Variants in ETS1 observed in about 807,000 individuals in gnomAD.
ETS1 encodes ETS proto-oncogene 1, transcription factor.
A neutral mutation model predicts 58.6 loss-of-function variants in ETS1; 15 were observed. That is an observed-to-expected ratio of 0.26 (90% CI 0.17 to 0.39). The LOEUF (loss-of-function observed/expected upper bound fraction) is 0.39. ETS1 is among the 10% of genes least tolerant of loss of function. The probability of loss-of-function intolerance (pLI) is 1.00; values close to 1 mark genes in which losing one functional copy is unlikely to be tolerated. For missense variants in ETS1, 417 were observed against 610.5 expected (o/e 0.68, Z 3.34); for synonymous variants, 214 against 218.2 (o/e 0.98, Z 0.17).
chr11:128,522,307 T>G (rs1863703362), intron 3 of ETS1: 4 of 1,069,602 alleles, frequency 3.7e-6, no homozygotes, highest in Non-Finnish European at 3.4e-6. Context: ...TCGCTCTCGA[T>G]CTCCCGGCCG....
At chr11:128,498,371 CT>C (rs2135476222) in intron 3 of ETS1, among the ~76,000 whole-genome samples, 1 of 152,310 alleles carries the variant, frequency 6.6e-6, no homozygotes, top group South Asian at 2.1e-4. Context: ...AAATCAGATT[CT>C]GAGATATAAA....
intron 5 of ETS1, among the ~76,000 whole-genome samples, 164 bp downstream of exon 5, chr11:128,489,126 T>A (rs938137400): frequency 2.0e-5 from 3 of 152,018 alleles, no homozygotes; most frequent in South Asian, 2.1e-4. Context: ...CATCTAAGAG[T>A]ACCTGCTGTA....
intron 2 of ETS1, among the ~76,000 whole-genome samples, chr11:128,557,204 A>C (rs1300166938): frequency 6.6e-6 from 1 of 152,176 alleles, no homozygotes; most frequent in Non-Finnish European, 1.5e-5. Flanking sequence ...TAGTTCATGC[A>C]ATTGTAAAAT....
At chr11:128,489,970 G>C (rs1035004434) in intron 4 of ETS1, among the ~76,000 whole-genome samples, 2 of 152,176 alleles carry the variant, frequency 1.3e-5, no homozygotes, top group South Asian at 2.1e-4. Context: ...GCAATTAGTA[G>C]TAGTCATTCA....
chr11:128,493,408 G>A (rs1483620926), intron 3 of ETS1, among the ~76,000 whole-genome samples: 1 of 152,206 alleles, frequency 6.6e-6, no homozygotes. Context: ...TCCCAGGAAA[G>A]CAGCTAGAAT....
At chr11:128,522,613 G>T (rs925936907) in intron 3 of ETS1, among the ~76,000 whole-genome samples, 1 of 152,232 alleles carries the variant, frequency 6.6e-6, no homozygotes, top group Non-Finnish European at 1.5e-5. Flanking sequence ...GGCGGGAAGG[G>T]CCGGGAGCGG....
At position 128,463,149 on chromosome 11, in the gene ETS1, G is replaced by A. The variant is rs1390830824; in HGVS notation, c.1242+360C>T. Among the ~76,000 whole-genome samples the A allele has an allele frequency of 6.6e-6, 1 of 152,174 alleles. No homozygotes were observed. Among genetic ancestry groups the A allele is most frequent in the East Asian group, 1.9e-4 (1 of 5,194 alleles). ...GTGTGTAATGAAATAAGAAACTAAT[G>A]AGCCAATCTCCCAAGGCCTCTTGAA... On this transcript the variant is annotated intron_variant, in intron 9 of 9. Coordinates refer to ENST00000392668, the MANE Select transcript of ETS1 (RefSeq NM_001143820.2). The surrounding 1 kb of genome is among the most constrained non-coding windows in gnomAD (Gnocchi z 4.1).
rs1338845011 is a variant in ETS1, at chr11:128,459,928, A to T, written c.*2433T>A. The stretch of plus-strand genomic sequence containing the variant: ...TTTAATAGGAACGGTGGATGATTTG[A>T]GAAAGTGATTTTATGCCTGGTTGCA... On this transcript the variant is annotated 3_prime_UTR_variant, in exon 10 of 10. Transcript: ENST00000392668. 6.6e-6 allele frequency: 1 copy of T among 152,344 alleles called. No individual in the cohort carries two copies. Among genetic ancestry groups the T allele is most frequent in the Non-Finnish European group, 1.5e-5 (1 of 68,030 alleles). 9.4% of individuals were successfully genotyped at this position (152,344 alleles called of 1,614,324 possible). A position where few individuals can be genotyped will look rare whatever the true frequency, so the allele number is the denominator to read the frequency against.
intron 7 of ETS1, among the ~76,000 whole-genome samples, chr11:128,481,829 T>C (rs563451041): frequency 1.7e-4 from 26 of 152,368 alleles, no homozygotes; most frequent in African/African-American, 5.5e-4. Flanking sequence ...GCTCCCAACA[T>C]TGTTTAAAGA....
intron 3 of ETS1, among the ~76,000 whole-genome samples, chr11:128,521,377 G>A (rs1484760483): frequency 6.6e-6 from 1 of 152,104 alleles, no homozygotes; most frequent in Non-Finnish European, 1.5e-5. Flanking sequence ...ATTCTCCTCC[G>A]ATCTCCTTAC....
Position 128,464,860 on chromosome 11 carries a change from A to T in ETS1, c.1124-1233T>A, listed in dbSNP as rs1224904907. 6.6e-6 allele frequency among the ~76,000 whole-genome samples: 1 copy of T among 152,228 alleles called. No individual in the cohort carries two copies. Among genetic ancestry groups the T allele is most frequent in the African/African-American group, 2.4e-5 (1 of 41,462 alleles). On this transcript the variant is annotated intron_variant, in intron 8 of 9. Transcript: ENST00000392668. This position sits in a 1 kb window ranked among gnomAD's most constrained non-coding sequence, Gnocchi z 4.1. Reference sequence around the variant, plus strand: ...TCATATTTCTACAAGACATTTTCACATGCATCGTTGTGCTTGCTCCTAAAA... The same window carrying T: ...TCATATTTCTACAAGACATTTTCACTTGCATCGTTGTGCTTGCTCCTAAAA...
rs74496412 is a variant in ETS1 at position 128,497,509 on chromosome 11, C to A, written c.215-6933G>T. On this transcript the variant is annotated intron_variant, in intron 3 of 9. Transcript: ENST00000392668. ...CTCTTCCCTTCATCCACCTCCTGCC[C>A]CATCCCCCAAAAGGAGTTTTAACAC... The A allele has an allele frequency of 6.8e-4, 511 of 754,956 alleles. 2 individuals carry two copies. The African/African-American group carries it at 7.3e-3, about 11-fold the overall frequency. The allele number at this position is 754,956 out of a possible 1,614,324, so 46.8% of individuals were successfully genotyped here. A position where few individuals can be genotyped will look rare whatever the true frequency, so the allele number is the denominator to read the frequency against.
intron 3 of ETS1, among the ~76,000 whole-genome samples, chr11:128,510,989 G>A (rs1463037231): frequency 6.6e-6 from 1 of 152,220 alleles, no homozygotes; most frequent in Admixed American, 6.5e-5. Context: ...GAGTGTCTAT[G>A]CATGGTACCA....
intron 3 of ETS1, among the ~76,000 whole-genome samples, chr11:128,504,519 C>T (rs1466168497): frequency 6.6e-6 from 1 of 152,268 alleles, no homozygotes; most frequent in Admixed American, 6.5e-5. Flanking sequence ...AGGAGCCAAG[C>T]TCTGCCACTG....
At chr11:128,579,911 A>C (rs1864830761) in intron 1 of ETS1, among the ~76,000 whole-genome samples, 1 of 151,472 alleles carries the variant, frequency 6.6e-6, no homozygotes, top group Non-Finnish European at 1.5e-5. Flanking sequence ...AATTGCATGG[A>C]CCTCCTTGAT....
chr11:128,478,455 GAGGA>G (rs1214297560), intron 8 of ETS1, among the ~76,000 whole-genome samples: 1,709 of 102,332 alleles, frequency 0.017, 39 homozygotes, highest in African/African-American at 0.084. Flanking sequence ...GAGAGGGAGG[GAGGA>G]AGGAAGGAAG....
intron 5 of ETS1, among the ~76,000 whole-genome samples, chr11:128,488,234 C>T (rs566671258): frequency 6.6e-6 from 1 of 152,264 alleles, no homozygotes; most frequent in Non-Finnish European, 1.5e-5. Context: ...CTGCCATCCT[C>T]GGTAAAAGCA....
chr11:128,490,038 C>G (rs546752908), intron 4 of ETS1, among the ~76,000 whole-genome samples: 2 of 152,352 alleles, frequency 1.3e-5, no homozygotes, highest in Admixed American at 1.3e-4. Context: ...AGATACTCTG[C>G]AAAGTCTGTA....
chr11:128,489,497 A>G lies in ETS1; in HGVS notation c.335-7T>C, dbSNP rs1565378011. The G allele has an allele frequency of 6.2e-7, 1 of 1,612,744 alleles. No homozygotes were observed. The highest frequency in any genetic ancestry group is 8.5e-7 in the Non-Finnish European group (1 of 1,179,498). ...TCTGTCCACTGCCGGGGGTCTGAGG[A>G]AAGAGATCAGATGAAGATCCAGCAG... On this transcript the variant is annotated splice_region_variant and splice_polypyrimidine_tract_variant and intron_variant, in intron 4 of 9. Coordinates refer to ENST00000392668, the MANE Select transcript of ETS1 (RefSeq NM_001143820.2).
Sources: allele counts gnomAD v4.1 joint callset (sites outside exome capture counted in the v4.1 genomes callset), GRCh38; gene constraint gnomAD v4.1.1; non-coding constraint Gnocchi (gnomAD v3.1); transcripts MANE v1.5; gene names NCBI Gene and HGNC (gene_info 2026-07-23, HGNC 2026-07-21).